Variants in GPC5 observed in about 807,000 individuals in gnomAD.
GPC5 encodes the protein glypican 5.
GPC5 carries 47 observed loss-of-function variants against 53.9 expected under a neutral mutation model. That is an observed-to-expected ratio of 0.87 (90% CI 0.69 to 1.11). The LOEUF is 1.11. GPC5 is among the 50% of genes most tolerant of loss of function. The pLI, the probability that GPC5 is intolerant of heterozygous loss-of-function variation, is 0.00. For missense variants in GPC5, 748 were observed against 713.1 expected, an observed-to-expected ratio of 1.05 and a Z score of -0.56; for synonymous variants, 286 against 263.3, an observed-to-expected ratio of 1.09 and a Z score of -0.84.
chr13:91,501,680 A>G (rs1361426258), intron 2 of GPC5, among the ~76,000 whole-genome samples: 1 of 152,162 alleles, frequency 6.6e-6, no homozygotes, highest in African/African-American at 2.4e-5. Flanking sequence ...AGTCTTTGCT[A>G]TTGTGAATAA....
chr13:92,403,720 T>G (rs2139339944), intron 7 of GPC5, among the ~76,000 whole-genome samples: 1 of 152,362 alleles, frequency 6.6e-6, no homozygotes, highest in African/African-American at 2.4e-5. Context: ...TATTCATTTC[T>G]TCTTAGTGAG....
chr13:92,597,567 C>T (rs1337321946), intron 7 of GPC5, among the ~76,000 whole-genome samples: 1 of 151,946 alleles, frequency 6.6e-6, no homozygotes, highest in Non-Finnish European at 1.5e-5. Flanking sequence ...TCAGGCTCTC[C>T]CCCTTTTCAC....
intron 7 of GPC5, among the ~76,000 whole-genome samples, chr13:92,403,765 G>T (rs1203872384): frequency 6.6e-6 from 1 of 152,168 alleles, no homozygotes; most frequent in Non-Finnish European, 1.5e-5. Flanking sequence ...TCAATAAACT[G>T]CGAAGGTGTA....
intron 7 of GPC5, among the ~76,000 whole-genome samples, chr13:92,248,740 G>A (rs1459744174): frequency 1.3e-5 from 2 of 152,140 alleles, no homozygotes; most frequent in Non-Finnish European, 2.9e-5. Context: ...TAAGGCCGTT[G>A]CTGAGTACAG....
chr13:92,641,431 A>T (rs1389896989), intron 7 of GPC5, among the ~76,000 whole-genome samples: 2 of 152,236 alleles, frequency 1.3e-5, no homozygotes, highest in African/African-American at 4.8e-5. Context: ...AGAAACGCTG[A>T]TAGAATAAAG....
At chr13:92,234,660 G>T (rs569688118) in intron 7 of GPC5, among the ~76,000 whole-genome samples, 8 of 152,022 alleles carry the variant, frequency 5.3e-5, no homozygotes, top group East Asian at 3.9e-4. Context: ...AGAAGATAAG[G>T]GTTACTTTAT....
chr13:92,640,712 A>C (rs1885567381), intron 7 of GPC5, among the ~76,000 whole-genome samples: 2 of 152,178 alleles, frequency 1.3e-5, no homozygotes. Flanking sequence ...AACAATGGGG[A>C]CATGCCAAAA....
At chr13:91,881,751 A>G (rs2039265977) in intron 5 of GPC5, among the ~76,000 whole-genome samples, 1 of 152,216 alleles carries the variant, frequency 6.6e-6, no homozygotes, top group Non-Finnish European at 1.5e-5. Flanking sequence ...TGTAGGTTGT[A>G]GCAGGAATAA....
At chr13:91,939,108 T>C (rs1479174230) in intron 6 of GPC5, among the ~76,000 whole-genome samples, 1 of 152,012 alleles carries the variant, frequency 6.6e-6, no homozygotes, top group Non-Finnish European at 1.5e-5. Context: ...CTGATCAATA[T>C]ATATTTATAT....
At chr13:91,714,856 C>G (rs2036302200) in intron 3 of GPC5, among the ~76,000 whole-genome samples, 1 of 152,120 alleles carries the variant, frequency 6.6e-6, no homozygotes, top group African/African-American at 2.4e-5. Context: ...AGGGTCAACC[C>G]ACGGTAGAAG....
At chr13:92,359,881 G>C (rs1360961535) in intron 7 of GPC5, among the ~76,000 whole-genome samples, 1 of 151,684 alleles carries the variant, frequency 6.6e-6, no homozygotes, top group Non-Finnish European at 1.5e-5. Flanking sequence ...ACATGAGATT[G>C]GGGTAGGGAC....
intron 1 of GPC5, among the ~76,000 whole-genome samples, chr13:91,434,517 T>A (rs1330215805): frequency 2.0e-5 from 3 of 152,164 alleles, no homozygotes; most frequent in Non-Finnish European, 4.4e-5. Flanking sequence ...GTTGTAGATG[T>A]GTGTTGTTAT....
At chr13:91,694,311 A>G (rs1341765739) in intron 3 of GPC5, among the ~76,000 whole-genome samples, 1 of 152,204 alleles carries the variant, frequency 6.6e-6, no homozygotes, top group Non-Finnish European at 1.5e-5. Flanking sequence ...TACTCCAAAA[A>G]TGGGTAGTTA....
At chr13:92,836,104 C>A (rs1012183359) in intron 7 of GPC5, among the ~76,000 whole-genome samples, 2 of 151,800 alleles carry the variant, frequency 1.3e-5, no homozygotes, top group Admixed American at 6.6e-5. Context: ...AAATATTTTC[C>A]AAAATTACTT....
At chr13:92,009,542 C>T (rs1005582248) in intron 6 of GPC5, among the ~76,000 whole-genome samples, 1 of 152,158 alleles carries the variant, frequency 6.6e-6, no homozygotes, top group Non-Finnish European at 1.5e-5. Context: ...CATTCTTGCT[C>T]AGGCAGGTAG....
At chr13:92,386,341 T>C (rs1169332135) in intron 7 of GPC5, among the ~76,000 whole-genome samples, 1 of 152,052 alleles carries the variant, frequency 6.6e-6, no homozygotes, top group Non-Finnish European at 1.5e-5. Context: ...CATATCTCTT[T>C]TACTGGTTTC....
chr13:92,675,970 T>C (rs2139214502), intron 7 of GPC5, among the ~76,000 whole-genome samples: 1 of 152,294 alleles, frequency 6.6e-6, no homozygotes, highest in South Asian at 2.1e-4. Context: ...ACCACGTATA[T>C]CCTCCCATCG....
chr13:91,724,402 T>G (rs1417641237), intron 3 of GPC5, among the ~76,000 whole-genome samples: 1 of 151,894 alleles, frequency 6.6e-6, no homozygotes, highest in Non-Finnish European at 1.5e-5. Context: ...CTGTGCCTCC[T>G]CCTCTAACCC....
intron 5 of GPC5, among the ~76,000 whole-genome samples, chr13:91,878,070 T>C (rs2039224081): frequency 6.6e-6 from 1 of 152,186 alleles, no homozygotes; most frequent in African/African-American, 2.4e-5. Context: ...TGTGGAACCG[T>C]AAGTCCAATT....
Sources: gnomAD v4.1 joint callset for allele counts (sites outside exome capture counted in the v4.1 genomes callset) on GRCh38, gnomAD v4.1.1 for gene constraint, MANE v1.5 for transcripts, NCBI Gene and HGNC (gene_info 2026-07-23, HGNC 2026-07-21) for gene names.